The following UBXN7 variants were observed in gnomAD, a reference collection of about 807,000 sequenced individuals.
UBXN7 encodes UBX domain-containing protein 7.
UBXN7 carries 9 observed loss-of-function variants against 58.0 expected under a neutral mutation model. The ratio of observed to expected loss-of-function variants is 0.16; its 90% CI spans 0.09 to 0.27. The LOEUF (loss-of-function observed/expected upper bound fraction) is 0.27, where lower values mean the gene tolerates loss of function less well. UBXN7 is among the 10% of genes least tolerant of loss of function. The pLI is 1.00. For synonymous variants in UBXN7, 208 were observed against 205.0 expected, an observed-to-expected ratio of 1.01 and a Z score of -0.12; for missense variants, 328 against 599.6, an observed-to-expected ratio of 0.55 and a Z score of 4.73.
intron 5 of UBXN7, among the ~76,000 whole-genome samples, chr3:196,381,655 A>G (rs1729210293): frequency 6.6e-6 from 1 of 152,262 alleles, no homozygotes; most frequent in East Asian, 1.9e-4. Context: ...AGTTGACAGA[A>G]GTAGTCTTCA....
intron 8 of UBXN7, among the ~76,000 whole-genome samples, chr3:196,363,181 G>C (rs986854178): frequency 2.0e-5 from 3 of 151,370 alleles, no homozygotes; most frequent in African/African-American, 7.3e-5. Context: ...GGGATTACAG[G>C]CGTGAGACAC....
At chr3:196,369,637 C>T in intron 6 of UBXN7, 126 bp from the exon 7 acceptor site, 3 of 639,756 alleles carry the variant, frequency 4.7e-6, no homozygotes, top group Middle Eastern at 8.5e-4. Context: ...AGATCTCACT[C>T]CTACACTAAA....
intron 1 of UBXN7, among the ~76,000 whole-genome samples, chr3:196,421,771 A>T (rs1730695391): frequency 6.6e-6 from 1 of 151,704 alleles, no homozygotes; most frequent in Non-Finnish European, 1.5e-5. Flanking sequence ...GCGAGACTCC[A>T]TCTCAAACCA....
At chr3:196,375,183 CCACACACACA>C (rs56188527) in intron 5 of UBXN7, among the ~76,000 whole-genome samples, 8,842 of 139,764 alleles carry the variant, frequency 0.063, 337 homozygotes, top group Non-Finnish European at 0.086. Flanking sequence ...GGTGCTCTTA[CCACACACACA>C]CACACACACA....
intron 5 of UBXN7, among the ~76,000 whole-genome samples, chr3:196,372,907 G>A (rs1017322174): frequency 6.6e-6 from 1 of 151,080 alleles, no homozygotes; most frequent in African/African-American, 2.4e-5. Flanking sequence ...CACCATGCCT[G>A]ACTAATTTTT....
intron 5 of UBXN7, among the ~76,000 whole-genome samples, chr3:196,388,314 TG>T: frequency 1.4e-4 from 1 of 6,904 alleles, no homozygotes; most frequent in South Asian, 4.1e-3. Context: ...GCTGGGGGGC[TG>T]GGGGAGGGAT....
intron 4 of UBXN7, among the ~76,000 whole-genome samples, chr3:196,392,398 G>A (rs947744476): frequency 6.6e-6 from 1 of 151,868 alleles, no homozygotes; most frequent in African/African-American, 2.4e-5. Flanking sequence ...CCAGCTACTC[G>A]GGAGGCTGAG....
At chr3:196,414,106 C>T (rs745621384) in intron 1 of UBXN7, among the ~76,000 whole-genome samples, 2 of 152,138 alleles carry the variant, frequency 1.3e-5, no homozygotes, top group African/African-American at 4.8e-5. Flanking sequence ...TCTCCTGCCT[C>T]AGCCTCCCAG....
chr3:196,356,536 T>A lies in UBXN7; in HGVS notation c.*149A>T. ...CAAAGGGGGAGAAAGAGACTGATTA[T>A]AGGAGAGATCAAGAAATAAGAGAAG... On this transcript the variant is annotated 3_prime_UTR_variant, in exon 11 of 11. Coordinates refer to ENST00000296328, the MANE Select transcript of UBXN7 (RefSeq NM_015562.2). 1.3e-6 allele frequency: 1 copy of A among 793,538 alleles called. No homozygotes were observed. 49.2% of individuals were successfully genotyped at this position (793,538 alleles called of 1,614,324 possible).
intron 3 of UBXN7, among the ~76,000 whole-genome samples, chr3:196,401,552 A>G (rs1363215038): frequency 1.3e-5 from 2 of 150,462 alleles, no homozygotes; most frequent in African/African-American, 2.4e-5. Flanking sequence ...GGACGTTCTC[A>G]TAAGAGAGAG....
In UBXN7 at chr3:196,411,943, G is replaced by A. The variant is rs146933901; in HGVS notation, c.74-4550C>T. Among the ~76,000 whole-genome samples, 352 of 152,134 alleles carry A rather than the reference G, an allele frequency of 2.3e-3. 3 individuals are homozygous for A. The highest frequency in any genetic ancestry group is 7.9e-3 in the African/African-American group (329 of 41,506). Reference sequence around the variant, plus strand: ...TCATAAAATATGACTGAAAAAAGGCGGCCGGCCAGGTGCGGTGGCTCATGC... The same window carrying A: ...TCATAAAATATGACTGAAAAAAGGCAGCCGGCCAGGTGCGGTGGCTCATGC... On this transcript the variant is annotated intron_variant, in intron 1 of 10. Transcript: ENST00000296328.
At chr3:196,367,596 C>T (rs933365219) in intron 8 of UBXN7, among the ~76,000 whole-genome samples, 8 of 152,130 alleles carry the variant, frequency 5.3e-5, no homozygotes, top group Non-Finnish European at 1.0e-4. Context: ...CAGCAAGATC[C>T]CACTCCAAAA....
At chr3:196,427,201 A>G (rs35561509) in intron 1 of UBXN7, among the ~76,000 whole-genome samples, 79,944 of 152,098 alleles carry the variant, frequency 0.53, 21,439 homozygotes, top group East Asian at 0.9. Context: ...GTATATGTGT[A>G]GTGGATGTCA....
chr3:196,393,459 GA>G lies in UBXN7; in HGVS notation c.355+94del. ...CATAATTTCACTTTTTAAAGAAGGT[GA>G]AAACTTAAAAGTAATTGGGCCTAAT... On this transcript the variant is annotated intron_variant, in intron 4 of 10. Transcript: ENST00000296328. 2.5e-6 allele frequency: 3 copies of G among 1,208,720 alleles called. No homozygotes were observed. The South Asian group carries it at 4.8e-5, about 19-fold the overall frequency. The allele number at this position is 1,208,720 out of a possible 1,614,324, so 74.9% of individuals were successfully genotyped here.
intron 5 of UBXN7, among the ~76,000 whole-genome samples, chr3:196,387,477 A>T (rs1729440773): frequency 6.6e-6 from 1 of 152,220 alleles, no homozygotes; most frequent in East Asian, 1.9e-4. Context: ...ATGGCAAAAG[A>T]AACTACCATT....
intron 10 of UBXN7, among the ~76,000 whole-genome samples, chr3:196,357,124 AAAATT>A (rs1273089187): frequency 6.6e-6 from 1 of 152,218 alleles, no homozygotes; most frequent in Non-Finnish European, 1.5e-5. Context: ...CACTATTCAT[AAAATT>A]AAATTATTGT....
At chr3:196,380,743 A>G (rs1729181755) in intron 5 of UBXN7, among the ~76,000 whole-genome samples, 1 of 152,248 alleles carries the variant, frequency 6.6e-6, no homozygotes, top group Non-Finnish European at 1.5e-5. Context: ...GGAAGCCGTG[A>G]CAGACTATCT....
Position 196,365,098 on chromosome 3 carries a change from C to T in UBXN7, c.835-2411G>A, listed in dbSNP as rs78423694. 6.8e-3 allele frequency among the ~76,000 whole-genome samples: 1,026 copies of T among 151,902 alleles called. 8 individuals carry two copies. Among genetic ancestry groups the T allele is most frequent in the African/African-American group, 0.023 (960 of 41,448 alleles). On this transcript the variant is annotated intron_variant, in intron 8 of 10. Coordinates refer to ENST00000296328, the MANE Select transcript of UBXN7 (RefSeq NM_015562.2). ...TATAACCCTATTTAAGTTTATAAAA[C>T]GTGTTCAACTAAAAAATTCATTTTA...
chr3:196,427,054 G>A (rs2108627941), intron 1 of UBXN7, among the ~76,000 whole-genome samples: 1 of 152,160 alleles, frequency 6.6e-6, no homozygotes, highest in Admixed American at 6.5e-5. Context: ...GTAACCTCTT[G>A]TACTCTTCTT....
Sources: gnomAD v4.1 joint callset for allele counts (sites outside exome capture counted in the v4.1 genomes callset) on GRCh38, gnomAD v4.1.1 for gene constraint, MANE v1.5 for transcripts, NCBI Gene and HGNC (gene_info 2026-07-23, HGNC 2026-07-21) for gene names.